ITPRID1: variants seen among roughly 807,000 people sequenced by gnomAD.
ITPRID1 encodes ITPR interacting domain containing 1.
ITPRID1 carries 96 observed loss-of-function variants against 95.4 expected under a neutral mutation model. The ratio of observed to expected loss-of-function variants is 1.01; its 90% CI spans 0.85 to 1.19. The LOEUF is 1.19. Among genes scored for constraint, ITPRID1 ranks in the 50% most tolerant of loss-of-function variants. The pLI, the probability that ITPRID1 is intolerant of heterozygous loss-of-function variation, is 0.00. For synonymous variants in ITPRID1, 510 were observed against 453.6 expected (o/e 1.12, Z -1.58); for missense variants, 1,339 against 1,252.9 (o/e 1.07, Z -1.04).
At chr7:31,545,776 C>T (rs1388818842) in intron 1 of ITPRID1, among the ~76,000 whole-genome samples, 1 of 151,978 alleles carries the variant, frequency 6.6e-6, no homozygotes, top group Non-Finnish European at 1.5e-5. Flanking sequence ...ACTGCTTGTT[C>T]CTCCTAGCAG....
Position 31,569,774 on chromosome 7 carries a change from A to G in ITPRID1, c.273A>G (p.Gln91=). Residue 91 remains glutamine (Q), a synonymous_variant, in exon 6 of 15, where the codon CAA becomes CAG. Transcript: ENST00000615280. ...VIDRTVSLYE[Q]GMVQMTVKDY... ...TTGTTGCAGTTTCTTTGTATGAACA[A>G]GGGATGGTTCAAATGACTGTGAAAG... 1 of 1,586,890 alleles carries G rather than the reference A, an allele frequency of 6.3e-7. No individual in the cohort carries two copies. The highest frequency in any genetic ancestry group is 1.3e-5 in the African/African-American group (1 of 74,748).
chr7:31,519,614 C>CTATA (rs1396946575), intron 1 of ITPRID1, among the ~76,000 whole-genome samples: 15 of 43,166 alleles, frequency 3.5e-4, no homozygotes, highest in African/African-American at 8.7e-4. Context: ...CTCTCTCTCT[C>CTATA]TCTCTCTATA....
chr7:31,581,915 A>G (rs1235901092), intron 9 of ITPRID1, among the ~76,000 whole-genome samples: 1 of 152,050 alleles, frequency 6.6e-6, no homozygotes, highest in Non-Finnish European at 1.5e-5. Flanking sequence ...ACTGATTTGA[A>G]AAAAAAAGAT....
At chr7:31,624,035 A>C (rs1328508244) in intron 10 of ITPRID1, among the ~76,000 whole-genome samples, 1 of 150,470 alleles carries the variant, frequency 6.6e-6, no homozygotes, top group Admixed American at 6.6e-5. Flanking sequence ...CTTCAAAGAG[A>C]ATAAAATACC....
intron 10 of ITPRID1, among the ~76,000 whole-genome samples, chr7:31,586,802 C>G (rs961738197): frequency 1.3e-4 from 19 of 151,976 alleles, no homozygotes; most frequent in Middle Eastern, 6.8e-3. Flanking sequence ...CCTGTTCACT[C>G]TGACGGTAGT....
intron 1 of ITPRID1, among the ~76,000 whole-genome samples, chr7:31,520,698 T>C (rs1356726129): frequency 6.6e-6 from 1 of 152,168 alleles, no homozygotes; most frequent in Non-Finnish European, 1.5e-5. Context: ...ATACCAGCTA[T>C]GTTCATTACT....
At chr7:31,615,691 A>G (rs1583579086) in intron 10 of ITPRID1, among the ~76,000 whole-genome samples, 3 of 140,254 alleles carry the variant, frequency 2.1e-5, no homozygotes, top group Non-Finnish European at 4.7e-5. Flanking sequence ...CATTACTAAT[A>G]ACATACTAAG....
At chr7:31,620,294 C>A (rs1398230859) in intron 10 of ITPRID1, among the ~76,000 whole-genome samples, 8 of 152,202 alleles carry the variant, frequency 5.3e-5, no homozygotes, top group African/African-American at 1.7e-4. Flanking sequence ...TGAGAACGGG[C>A]AGACTGCCTC....
intron 10 of ITPRID1, among the ~76,000 whole-genome samples, chr7:31,603,580 G>A (rs924176393): frequency 3.9e-5 from 6 of 151,970 alleles, no homozygotes; most frequent in Non-Finnish European, 8.8e-5. Context: ...ACACTTGTTT[G>A]GGGCATTTTA....
At chr7:31,629,397 C>A (rs374468475) in intron 10 of ITPRID1, among the ~76,000 whole-genome samples, 10 of 152,282 alleles carry the variant, frequency 6.6e-5, no homozygotes, top group African/African-American at 2.4e-4. Flanking sequence ...TTACTCCATG[C>A]CACGAAGCTC....
chr7:31,578,484 A>G (rs1785279961), intron 9 of ITPRID1, 50 bp downstream of exon 9: 1 of 1,373,850 alleles, frequency 7.3e-7, no homozygotes, highest in African/African-American at 1.4e-5. Flanking sequence ...AACCTTCACT[A>G]TGACACCCTT....
At chr7:31,578,568 AG>A (rs1785283233) in intron 9 of ITPRID1, 134 bp downstream of exon 9, 2 of 626,068 alleles carry the variant, frequency 3.2e-6, no homozygotes, top group African/African-American at 3.6e-5. Flanking sequence ...GAGTCAGTTT[AG>A]TGATTTAAAG....
chr7:31,571,719 T>C (rs1583513420), intron 6 of ITPRID1, among the ~76,000 whole-genome samples: 1 of 152,102 alleles, frequency 6.6e-6, no homozygotes, highest in East Asian at 1.9e-4. Context: ...TAATGTAGAG[T>C]CACTTCAGTG....
intron 1 of ITPRID1, among the ~76,000 whole-genome samples, chr7:31,521,046 A>AT (rs1290787957): frequency 9.7e-5 from 13 of 134,594 alleles, no homozygotes; most frequent in South Asian, 5.3e-4. Flanking sequence ...GGTTTCATTG[A>AT]TTTTTTTTCA....
chr7:31,543,032 C>T (rs1783981441), intron 1 of ITPRID1, among the ~76,000 whole-genome samples: 1 of 151,972 alleles, frequency 6.6e-6, no homozygotes, highest in African/African-American at 2.4e-5. Flanking sequence ...GAAAAATATC[C>T]AGTAGTTATG....
At chr7:31,567,583 C>CT (rs377413846) in intron 5 of ITPRID1, among the ~76,000 whole-genome samples, 118 of 131,602 alleles carry the variant, frequency 9.0e-4, no homozygotes, top group South Asian at 3.6e-3. Context: ...CCGCCTGACT[C>CT]TTTTTTTTTT....
chr7:31,569,371 G>C (rs1388768223), intron 5 of ITPRID1, among the ~76,000 whole-genome samples: 1 of 152,132 alleles, frequency 6.6e-6, no homozygotes, highest in African/African-American at 2.4e-5. Context: ...ACTACCCCTA[G>C]CACTCTGCTT....
At chr7:31,527,777 A>G (rs1282039645) in intron 1 of ITPRID1, among the ~76,000 whole-genome samples, 1 of 152,202 alleles carries the variant, frequency 6.6e-6, no homozygotes, top group African/African-American at 2.4e-5. Context: ...AAAAACCCTT[A>G]GCAATTATTT....
At chr7:31,519,610 CTCTCTCTCTCTA>C (rs1426302032) in intron 1 of ITPRID1, among the ~76,000 whole-genome samples, 18 of 51,324 alleles carry the variant, frequency 3.5e-4, no homozygotes, top group South Asian at 3.0e-3. Context: ...CTCTCTCTCT[CTCTCTCTCTCTA>C]TATATATATA....
Sources: gnomAD v4.1 joint callset for allele counts (sites outside exome capture counted in the v4.1 genomes callset) on GRCh38, gnomAD v4.1.1 for gene constraint, MANE v1.5 for transcripts, NCBI Gene and HGNC (gene_info 2026-07-23, HGNC 2026-07-21) for gene names.